Variants in CIMIP6 observed in about 807,000 individuals in gnomAD.
The protein encoded by CIMIP6 is uncharacterized protein C2orf73.
chr2:54,360,710 A>C, the CIMIP6 span: 1 of 818,104 alleles, frequency 1.2e-6, no homozygotes, highest in African/African-American at 1.7e-5. Context: ...GACAATTAAA[A>C]TACAACCAAA....
chr2:54,335,905 T>C, the CIMIP6 span, among the ~76,000 whole-genome samples: 53 of 152,288 alleles, frequency 3.5e-4, 1 homozygote, highest in East Asian at 8.1e-3. Flanking sequence ...CAACACAGCA[T>C]CTTCAAATCT....
chr2:54,335,206 G>A, the CIMIP6 span, among the ~76,000 whole-genome samples: 27,529 of 152,002 alleles, frequency 0.18, 2,772 homozygotes, highest in Non-Finnish European at 0.22. Context: ...TAAACAATAC[G>A]GATACAGGGA....
the CIMIP6 span, among the ~76,000 whole-genome samples, chr2:54,332,957 C>A: frequency 2.6e-5 from 4 of 152,146 alleles, no homozygotes; most frequent in Admixed American, 2.0e-4. Flanking sequence ...TTTTGGGAAG[C>A]AGGGAACTAG....
chr2:54,370,819 C>CTCTGAGGGGT, the CIMIP6 span, among the ~76,000 whole-genome samples: 3 of 152,320 alleles, frequency 2.0e-5, no homozygotes, highest in South Asian at 6.2e-4. Flanking sequence ...AGAGGTGAGA[C>CTCTGAGGGGT]AGTCCCTGGA....
At chr2:54,376,998 T>C in the CIMIP6 span, among the ~76,000 whole-genome samples, 1 of 152,304 alleles carries the variant, frequency 6.6e-6, no homozygotes, top group African/African-American at 2.4e-5. Context: ...AGAACAGTCT[T>C]TACTTCTCAC....
At chr2:54,334,973 A>G in the CIMIP6 span, 1 of 1,605,764 alleles carries the variant, frequency 6.2e-7, no homozygotes, top group Non-Finnish European at 8.5e-7. Flanking sequence ...ATGCAAGAAC[A>G]TACAATGAAC....
the CIMIP6 span, among the ~76,000 whole-genome samples, chr2:54,381,474 C>T: frequency 6.6e-6 from 1 of 152,220 alleles, no homozygotes; most frequent in Non-Finnish European, 1.5e-5. Flanking sequence ...ATACCCCTTA[C>T]AGGGAACGTT....
the CIMIP6 span, chr2:54,383,183 G>T: frequency 6.6e-6 from 1 of 152,272 alleles, no homozygotes; most frequent in Admixed American, 6.5e-5. Context: ...TCTGCCTACA[G>T]TCATGAGTCC....
the CIMIP6 span, among the ~76,000 whole-genome samples, chr2:54,367,892 T>C: frequency 1.3e-5 from 2 of 152,180 alleles, no homozygotes; most frequent in Non-Finnish European, 2.9e-5. Context: ...AATTACTCTG[T>C]AAACTTTTTG....
the CIMIP6 span, among the ~76,000 whole-genome samples, chr2:54,353,543 G>A: frequency 3.3e-5 from 5 of 152,026 alleles, no homozygotes; most frequent in Admixed American, 3.3e-4. Flanking sequence ...TTGGGAGTGG[G>A]GGGAGGGGGA....
chr2:54,364,689 A>G, the CIMIP6 span, among the ~76,000 whole-genome samples: 1 of 152,198 alleles, frequency 6.6e-6, no homozygotes, highest in Non-Finnish European at 1.5e-5. Flanking sequence ...ACAAGGATAG[A>G]ATAAAGAAGT....
the CIMIP6 span, among the ~76,000 whole-genome samples, chr2:54,354,014 G>C: frequency 6.6e-6 from 1 of 151,998 alleles, no homozygotes; most frequent in Non-Finnish European, 1.5e-5. Context: ...TTTAATCTTA[G>C]AGTCCACCAT....
At chr2:54,355,703 G>T in the CIMIP6 span, among the ~76,000 whole-genome samples, 3 of 151,810 alleles carry the variant, frequency 2.0e-5, no homozygotes, top group African/African-American at 7.3e-5. Context: ...GATTCTTGTT[G>T]TCTAGACCAT....
At chr2:54,360,205 A>G in the CIMIP6 span, 1 of 1,560,998 alleles carries the variant, frequency 6.4e-7, no homozygotes, top group African/African-American at 1.4e-5. Context: ...TTTTCCAGAG[A>G]CACGGAGCTT....
chr2:54,333,846 T>C, the CIMIP6 span, among the ~76,000 whole-genome samples: 1 of 152,108 alleles, frequency 6.6e-6, no homozygotes, highest in African/African-American at 2.4e-5. Flanking sequence ...TGAGCGGAGA[T>C]AGCACCACTG....
the CIMIP6 span, chr2:54,358,950 T>A: frequency 1.4e-6 from 2 of 1,452,110 alleles, no homozygotes; most frequent in Non-Finnish European, 1.9e-6. Context: ...CACAAAATCT[T>A]TTTTTTAGTA....
chr2:54,345,444 A>G, the CIMIP6 span, among the ~76,000 whole-genome samples: 1 of 152,150 alleles, frequency 6.6e-6, no homozygotes, highest in African/African-American at 2.4e-5. Flanking sequence ...TATAGGGAGG[A>G]TATCTTTTAC....
At chr2:54,337,785 G>C in the CIMIP6 span, among the ~76,000 whole-genome samples, 1 of 152,192 alleles carries the variant, frequency 6.6e-6, no homozygotes, top group Admixed American at 6.5e-5. Flanking sequence ...GTGAAAGTGA[G>C]TTTGAGATGA....
the CIMIP6 span, among the ~76,000 whole-genome samples, chr2:54,344,253 G>A: frequency 1.3e-5 from 2 of 152,144 alleles, no homozygotes; most frequent in Non-Finnish European, 2.9e-5. Context: ...CCTTTAGAAA[G>A]ATAATAAAGT....
Sources: allele counts gnomAD v4.1 joint callset (sites outside exome capture counted in the v4.1 genomes callset), GRCh38; gene constraint gnomAD v4.1.1; transcripts MANE v1.5; gene names NCBI Gene and HGNC (gene_info 2026-07-23, HGNC 2026-07-21).